The following DPYD variants were observed in gnomAD, a reference collection of about 807,000 sequenced individuals.
DPYD encodes dihydropyrimidine dehydrogenase.
Under a neutral mutation model 116.2 loss-of-function variants are expected in DPYD, and 109 were observed. The ratio of observed to expected loss-of-function variants is 0.94; its 90% CI spans 0.80 to 1.10. DPYD has a LOEUF of 1.10. DPYD is among the 50% of genes least tolerant of loss of function. The pLI is 0.00. For synonymous variants in DPYD, 440 were observed against 432.0 expected, an observed-to-expected ratio of 1.02 and a Z score of -0.23; for missense variants, 1,302 against 1,254.5, an observed-to-expected ratio of 1.04 and a Z score of -0.57.
At chr1:97,437,819 A>C (rs545766013) in intron 14 of DPYD, among the ~76,000 whole-genome samples, 1 of 152,092 alleles carries the variant, frequency 6.6e-6, no homozygotes, top group African/African-American at 2.4e-5. Flanking sequence ...TTACCTAACA[A>C]AGGTCAAAAG....
chr1:97,491,035 TC>T (rs1678945098), intron 13 of DPYD, among the ~76,000 whole-genome samples: 1 of 149,698 alleles, frequency 6.7e-6, no homozygotes, highest in South Asian at 2.1e-4. Flanking sequence ...CAATTGTATT[TC>T]CATCTCTCAT....
At position 97,134,017 on chromosome 1, in the gene DPYD, ATATATATATAT is replaced by A. The variant is rs1653582637; in HGVS notation, c.2623-35396_2623-35386del. Among the ~76,000 whole-genome samples the A allele has an allele frequency of 3.7e-3, 59 of 16,120 alleles. 8 individuals are homozygous for A. The East Asian group carries it at 0.075, about 21-fold the overall frequency. 10.6% of individuals were successfully genotyped at this position (16,120 alleles called of 152,430 possible). A position where few individuals can be genotyped will look rare whatever the true frequency, so the allele number is the denominator to read the frequency against. ...CTGTTTCAAAAAAAAAAAAAAAAATATATATATATATATATATATATATATATATATATATA... is the reference window on the plus strand; with the variant it reads ...CTGTTTCAAAAAAAAAAAAAAAAATAATATATATATATATATATATATATA... On this transcript the variant is annotated intron_variant, in intron 20 of 22. Transcript: ENST00000370192.
At chr1:97,384,873 G>T (rs893014552) in intron 14 of DPYD, among the ~76,000 whole-genome samples, 4 of 152,108 alleles carry the variant, frequency 2.6e-5, no homozygotes, top group Non-Finnish European at 5.9e-5. Context: ...ATTCCTTAGA[G>T]AGAGGAACAA....
At chr1:97,662,477 A>C (rs1205392590) in intron 8 of DPYD, among the ~76,000 whole-genome samples, 1 of 151,592 alleles carries the variant, frequency 6.6e-6, no homozygotes, top group African/African-American at 2.4e-5. Context: ...CTAAAAATAC[A>C]AAAAAATTAG....
chr1:97,383,462 C>A (rs1221769324), intron 14 of DPYD, among the ~76,000 whole-genome samples: 4 of 136,112 alleles, frequency 2.9e-5, no homozygotes, highest in Admixed American at 7.9e-5. Flanking sequence ...GGCAACAGAG[C>A]GAGACTCTGT....
intron 20 of DPYD, among the ~76,000 whole-genome samples, chr1:97,163,986 C>G (rs1656119584): frequency 6.6e-6 from 1 of 152,118 alleles, no homozygotes; most frequent in African/African-American, 2.4e-5. Context: ...AAGAAAACTT[C>G]AGGCCAATAT....
intron 16 of DPYD, among the ~76,000 whole-genome samples, chr1:97,371,961 C>T (rs1438199134): frequency 2.0e-5 from 3 of 152,130 alleles, no homozygotes; most frequent in Admixed American, 2.0e-4. Context: ...TTGGCATTCT[C>T]ATTCAGCCAA....
chr1:97,271,492 C>G (rs750466099), intron 18 of DPYD, among the ~76,000 whole-genome samples: 4 of 152,158 alleles, frequency 2.6e-5, no homozygotes, highest in South Asian at 2.1e-4. Context: ...CCTCACCTGT[C>G]CTCTTAGAAG....
chr1:97,496,498 C>T (rs778993398), intron 13 of DPYD, among the ~76,000 whole-genome samples: 3 of 152,090 alleles, frequency 2.0e-5, no homozygotes, highest in Non-Finnish European at 2.9e-5. Flanking sequence ...TTCAAACTCT[C>T]TTTGATGATC....
At chr1:97,880,640 C>A (rs539875599) in intron 2 of DPYD, among the ~76,000 whole-genome samples, 2 of 151,914 alleles carry the variant, frequency 1.3e-5, no homozygotes, top group South Asian at 4.2e-4. Context: ...AGATCTAAAG[C>A]TTTCATTTTA....
At chr1:97,408,787 G>C (rs953064311) in intron 14 of DPYD, among the ~76,000 whole-genome samples, 2 of 152,154 alleles carry the variant, frequency 1.3e-5, no homozygotes, top group Admixed American at 6.5e-5. Context: ...GAATAAAGCA[G>C]GCAGAAGAAG....
intron 19 of DPYD, among the ~76,000 whole-genome samples, chr1:97,218,104 A>G (rs1298849470): frequency 6.6e-6 from 1 of 152,168 alleles, no homozygotes; most frequent in Non-Finnish European, 1.5e-5. Flanking sequence ...ACAGAACCAC[A>G]TCTGTATACA....
intron 19 of DPYD, among the ~76,000 whole-genome samples, chr1:97,205,353 G>C (rs1659516610): frequency 6.6e-6 from 1 of 150,924 alleles, no homozygotes; most frequent in Admixed American, 6.6e-5. Flanking sequence ...GGCAACCACT[G>C]ATCTTTTTTA....
At chr1:97,774,970 A>T in intron 3 of DPYD, 1 of 336,274 alleles carries the variant, frequency 3.0e-6, no homozygotes, top group Non-Finnish European at 6.3e-6. Context: ...TGCATGCCAA[A>T]CTGGAGTAGG....
chr1:97,740,505 G>A, intron 3 of DPYD, 26 bp from the exon 4 acceptor site: 1 of 1,567,666 alleles, frequency 6.4e-7, no homozygotes, highest in Non-Finnish European at 8.8e-7. Context: ...ACTATGTTAA[G>A]AAACTACAAG....
At chr1:97,818,509 T>C (rs1668750121) in intron 3 of DPYD, among the ~76,000 whole-genome samples, 1 of 152,052 alleles carries the variant, frequency 6.6e-6, no homozygotes, top group Non-Finnish European at 1.5e-5. Flanking sequence ...TATTTATAAA[T>C]GACAGTTAAT....
intron 1 of DPYD, among the ~76,000 whole-genome samples, chr1:97,906,051 A>C (rs1673598843): frequency 1.3e-5 from 2 of 152,026 alleles, no homozygotes; most frequent in African/African-American, 4.8e-5. Context: ...GCATAGATCC[A>C]TGATGATCCC....
chr1:97,237,385 G>T (rs1390499967), intron 18 of DPYD, among the ~76,000 whole-genome samples: 1 of 151,630 alleles, frequency 6.6e-6, no homozygotes, highest in Non-Finnish European at 1.5e-5. Flanking sequence ...TCTACTTGTG[G>T]CTCCCACACC....
chr1:97,225,375 T>C (rs530098820), intron 19 of DPYD, among the ~76,000 whole-genome samples: 2 of 152,198 alleles, frequency 1.3e-5, no homozygotes, highest in Admixed American at 6.5e-5. Context: ...TTCAAATATC[T>C]GTGCCATTTA....
Sources: allele counts gnomAD v4.1 joint callset (sites outside exome capture counted in the v4.1 genomes callset), GRCh38; gene constraint gnomAD v4.1.1; transcripts MANE v1.5; gene names NCBI Gene and HGNC (gene_info 2026-07-23, HGNC 2026-07-21).